Variants in SPATA6L observed in about 807,000 individuals in gnomAD.
SPATA6L encodes spermatogenesis associated 6 like, also known as spermatogenesis associated 6-like protein.
A neutral mutation model predicts 49.2 loss-of-function variants in SPATA6L; 68 were observed. That is an observed-to-expected ratio of 1.38 (90% confidence interval 1.14 to 1.69). SPATA6L has a LOEUF of 1.69. Among genes scored for constraint, SPATA6L ranks in the 40% most tolerant of loss-of-function variants. The probability of loss-of-function intolerance (pLI) is 0.00; values close to 1 mark genes in which losing one functional copy is unlikely to be tolerated. For synonymous variants in SPATA6L, 198 were observed against 165.7 expected, an observed-to-expected ratio of 1.19 and a Z score of -1.50; for missense variants, 668 against 464.3, an observed-to-expected ratio of 1.44 and a Z score of -4.03.
Position 4,666,313 on chromosome 9 carries a change from A to C in SPATA6L, c.-63T>G, listed in dbSNP as rs1840860820. ...TCCTTTTGTGCCGAGCCTTGGACCA[A>C]TTTTTCTTAGTTTAGCTGAATACCT... On this transcript the variant is annotated 5_prime_UTR_variant, in exon 1 of 12. Transcript: ENST00000682582. 2.5e-6 allele frequency: 4 copies of C among 1,587,488 alleles called. No homozygotes were observed. The highest frequency in any genetic ancestry group is 3.5e-6 in the Non-Finnish European group (4 of 1,156,756).
At chr9:4,666,156 G>C in intron 1 of SPATA6L, 56 bp downstream of exon 1, 1 of 1,576,814 alleles carries the variant, frequency 6.3e-7, no homozygotes, top group Non-Finnish European at 8.7e-7. Flanking sequence ...AAAACCACCT[G>C]AGACTATTTA....
intron 4 of SPATA6L, among the ~76,000 whole-genome samples, chr9:4,632,425 G>A (rs758706249): frequency 6.6e-5 from 10 of 151,774 alleles, no homozygotes; most frequent in Admixed American, 3.3e-4. Flanking sequence ...AGGAAACCTC[G>A]TCTCTACTAA....
chr9:4,662,127 A>G lies in SPATA6L; in HGVS notation c.40-91T>C. 44 of 1,519,540 alleles carry G rather than the reference A, an allele frequency of 2.9e-5. No individual in the cohort carries two copies. The highest frequency in any genetic ancestry group is 3.8e-5 in the Non-Finnish European group (43 of 1,133,028). 94.1% of individuals were successfully genotyped at this position (1,519,540 alleles called of 1,614,324 possible). On this transcript the variant is annotated intron_variant, in intron 1 of 11. Coordinates refer to ENST00000682582, the MANE Select transcript of SPATA6L (RefSeq NM_001353486.2). The surrounding 1 kb of genome is among the most constrained non-coding windows in gnomAD (Gnocchi z 4.9). ...GGCTCTATTTCTCTTAAGCTCCTACAGACACTGACATTTTCCCCATCACCT... is the reference window on the plus strand; with the variant it reads ...GGCTCTATTTCTCTTAAGCTCCTACGGACACTGACATTTTCCCCATCACCT...
At chr9:4,612,060 G>A (rs1205271152) in intron 9 of SPATA6L, among the ~76,000 whole-genome samples, 2 of 151,244 alleles carry the variant, frequency 1.3e-5, no homozygotes, top group Admixed American at 1.3e-4. Context: ...GGCTGGTCTC[G>A]AACTCCTGGG....
chr9:4,629,207 A>G, intron 4 of SPATA6L, 39 bp from the exon 5 acceptor site: 1 of 1,434,680 alleles, frequency 7.0e-7, no homozygotes, highest in Non-Finnish European at 9.7e-7. Context: ...AAATTACTAG[A>G]AACAGTTCTT....
intron 4 of SPATA6L, among the ~76,000 whole-genome samples, chr9:4,634,430 C>G (rs532772871): frequency 2.0e-5 from 3 of 152,102 alleles, no homozygotes. Context: ...TTAGGACAAC[C>G]TTTAATGAAT....
At chr9:4,637,728 G>A (rs796230232) in intron 3 of SPATA6L, among the ~76,000 whole-genome samples, 327 of 145,368 alleles carry the variant, frequency 2.2e-3, no homozygotes, top group African/African-American at 8.4e-3. Context: ...CCCCAAACCT[G>A]TAGAACAACA....
At chr9:4,641,403 A>C (rs977120648) in intron 3 of SPATA6L, among the ~76,000 whole-genome samples, 2 of 152,184 alleles carry the variant, frequency 1.3e-5, no homozygotes, top group Non-Finnish European at 2.9e-5. Context: ...ATAATAAAAC[A>C]TTAAAAATAA....
intron 3 of SPATA6L, among the ~76,000 whole-genome samples, chr9:4,639,842 C>T (rs10974697): frequency 0.12 from 18,400 of 152,196 alleles, 1,559 homozygotes; most frequent in African/African-American, 0.23. Context: ...ATTGACAGCG[C>T]GCTTCCAGAT....
At chr9:4,661,109 T>A (rs935940756) in intron 2 of SPATA6L, among the ~76,000 whole-genome samples, 1 of 152,182 alleles carries the variant, frequency 6.6e-6, no homozygotes, top group Admixed American at 6.5e-5. Flanking sequence ...CAGCACGTTG[T>A]GCATATGTAC....
chr9:4,644,032 A>G (rs1270548390), intron 3 of SPATA6L, among the ~76,000 whole-genome samples: 2 of 151,724 alleles, frequency 1.3e-5, no homozygotes, highest in African/African-American at 4.8e-5. Context: ...AAAAAAAAAG[A>G]TGTAGATTTA....
chr9:4,664,019 G>C (rs1438564062), intron 1 of SPATA6L: 6 of 167,032 alleles, frequency 3.6e-5, no homozygotes, highest in South Asian at 4.1e-4. Context: ...GCTTAAAGAG[G>C]AATCACTTAA....
Position 4,599,953 on chromosome 9 carries a change from C to T in SPATA6L, c.*858G>A, listed in dbSNP as rs1822816934. Among the ~76,000 whole-genome samples, 1 of 152,196 alleles carries T rather than the reference C, an allele frequency of 6.6e-6. No individual in the cohort carries two copies. Among genetic ancestry groups the T allele is most frequent in the Admixed American group, 6.5e-5 (1 of 15,282 alleles). On this transcript the variant is annotated 3_prime_UTR_variant, in exon 12 of 12. Coordinates refer to ENST00000682582, the MANE Select transcript of SPATA6L (RefSeq NM_001353486.2). ...TCTGTATCAATGAAGACAAATGTGC[C>T]TCTAGTCTCCCTTTATCCCAGCCCC...
At chr9:4,597,170 C>T (rs888419141), downstream of SPATA6L, among the ~76,000 whole-genome samples, 9 of 152,006 alleles carry the variant, frequency 5.9e-5, no homozygotes, top group African/African-American at 1.5e-4. Flanking sequence ...TCCAGGTACT[C>T]GGAGGGGCGC....
chr9:4,606,747 C>T (rs1327662547), intron 9 of SPATA6L, among the ~76,000 whole-genome samples: 6 of 146,942 alleles, frequency 4.1e-5, no homozygotes, highest in Non-Finnish European at 7.5e-5. Flanking sequence ...CTCTCCTCCT[C>T]CAAAGGAATG....
chr9:4,592,185 C>T (rs1399145438), intron 13 of SPATA6L, among the ~76,000 whole-genome samples: 1 of 151,988 alleles, frequency 6.6e-6, no homozygotes, highest in African/African-American at 2.4e-5. Flanking sequence ...TGTAGTGGCA[C>T]ATGCCTGTAG....
At chr9:4,649,640 C>A (rs1270782631) in intron 3 of SPATA6L, among the ~76,000 whole-genome samples, 4 of 152,202 alleles carry the variant, frequency 2.6e-5, no homozygotes, top group Admixed American at 2.6e-4. Context: ...ACTGAAAAAT[C>A]CTATTCTTCC....
At chr9:4,588,964 G>A (rs948197210) in intron 13 of SPATA6L, 2 of 152,148 alleles carry the variant, frequency 1.3e-5, no homozygotes, top group African/African-American at 4.8e-5. Context: ...CTTCCCTCCT[G>A]GAACAGAAGA....
intron 3 of SPATA6L, among the ~76,000 whole-genome samples, chr9:4,652,671 G>C (rs532479489): frequency 2.1e-4 from 32 of 151,260 alleles, no homozygotes; most frequent in African/African-American, 7.3e-4. Flanking sequence ...CAGAAACCCC[G>C]TTTCTACTAA....
Sources: gnomAD v4.1 joint callset for allele counts (sites outside exome capture counted in the v4.1 genomes callset) on GRCh38, gnomAD v4.1.1 for gene constraint, Gnocchi (gnomAD v3.1) non-coding constraint, MANE v1.5 for transcripts, NCBI Gene and HGNC (gene_info 2026-07-23, HGNC 2026-07-21) for gene names.